TRDN: variants seen among roughly 807,000 people sequenced by gnomAD.
TRDN encodes the protein triadin, also known as triadin in skeletal muscle.
Under a neutral mutation model 149.7 loss-of-function variants are expected in TRDN, and 161 were observed. The observed-to-expected ratio is 1.08, with a 90% confidence interval of 0.95 to 1.23. TRDN has a LOEUF of 1.23. Among genes scored for constraint, TRDN ranks in the 50% most tolerant of loss-of-function variants. The pLI is 0.00. For missense variants in TRDN, 896 were observed against 823.5 expected (o/e 1.09, Z -1.08); for synonymous variants, 294 against 250.5 (o/e 1.17, Z -1.64).
intron 21 of TRDN, chr6:123,350,188 C>A: frequency 5.2e-6 from 5 of 969,238 alleles, no homozygotes; most frequent in Non-Finnish European, 6.1e-6. Context: ...ATATTTTTGT[C>A]GTGTTTCTTC....
intron 23 of TRDN, among the ~76,000 whole-genome samples, chr6:123,317,989 T>C (rs1779095272): frequency 6.6e-6 from 1 of 152,134 alleles, no homozygotes; most frequent in Middle Eastern, 3.4e-3. Context: ...GTGATGTCTT[T>C]ATGTGTCCAA....
intron 1 of TRDN, among the ~76,000 whole-genome samples, chr6:123,617,832 G>A (rs1157761347): frequency 1.3e-5 from 2 of 151,978 alleles, no homozygotes; most frequent in Non-Finnish European, 2.9e-5. Context: ...TCTGTCTCCC[G>A]GGTCCTAGTG....
At chr6:123,461,665 T>G (rs1776454966) in intron 10 of TRDN, among the ~76,000 whole-genome samples, 1 of 152,160 alleles carries the variant, frequency 6.6e-6, no homozygotes. Flanking sequence ...TCCTTGGTAA[T>G]CGGGAAGAGG....
intron 34 of TRDN, 125 bp downstream of exon 34, chr6:123,260,487 G>A (rs965696768): frequency 1.0e-5 from 11 of 1,076,826 alleles, no homozygotes; most frequent in Non-Finnish European, 1.4e-5. Flanking sequence ...TGCCTGTTCT[G>A]TAGAACAGAA....
intron 12 of TRDN, among the ~76,000 whole-genome samples, chr6:123,435,272 T>C (rs993744584): frequency 3.9e-5 from 6 of 152,108 alleles, no homozygotes; most frequent in East Asian, 1.9e-4. Context: ...TGCTCTGCCA[T>C]GTTCCTCTAC....
At chr6:123,344,678 A>G (rs975058178) in intron 21 of TRDN, among the ~76,000 whole-genome samples, 1 of 152,038 alleles carries the variant, frequency 6.6e-6, no homozygotes, top group Non-Finnish European at 1.5e-5. Flanking sequence ...CTGTTCACCT[A>G]TTGAAGGACA....
At chr6:123,258,925 A>AG (rs914677128) in intron 35 of TRDN, among the ~76,000 whole-genome samples, 1 of 152,146 alleles carries the variant, frequency 6.6e-6, no homozygotes, top group Non-Finnish European at 1.5e-5. Context: ...TTATTTACAT[A>AG]GAGGTGTTTA....
At chr6:123,630,352 A>G (rs1248921161) in intron 1 of TRDN, among the ~76,000 whole-genome samples, 2 of 152,048 alleles carry the variant, frequency 1.3e-5, no homozygotes, top group Admixed American at 1.3e-4. Flanking sequence ...TTCTTTTCAA[A>G]TTGATATATT....
intron 12 of TRDN, among the ~76,000 whole-genome samples, chr6:123,398,304 C>T (rs1459524918): frequency 2.0e-5 from 3 of 152,224 alleles, no homozygotes; most frequent in Admixed American, 6.5e-5. Context: ...CGTGCCTGGC[C>T]GACCGTTCTT....
At chr6:123,507,958 C>T (rs1779005478) in intron 7 of TRDN, among the ~76,000 whole-genome samples, 1 of 149,422 alleles carries the variant, frequency 6.7e-6, no homozygotes, top group African/African-American at 2.5e-5. Context: ...CTGCAAACTG[C>T]TTAACTTTTT....
At chr6:123,538,902 A>C (rs559890206) in intron 4 of TRDN, among the ~76,000 whole-genome samples, 1 of 152,210 alleles carries the variant, frequency 6.6e-6, no homozygotes, top group Admixed American at 6.5e-5. Context: ...CCATGTGTAC[A>C]TAAACCAGAC....
intron 24 of TRDN, among the ~76,000 whole-genome samples, chr6:123,313,033 A>C (rs1582856621): frequency 6.6e-6 from 1 of 152,144 alleles, no homozygotes; most frequent in East Asian, 1.9e-4. Flanking sequence ...AGCAAATACC[A>C]TATAAAAATA....
intron 38 of TRDN, among the ~76,000 whole-genome samples, chr6:123,242,868 G>A (rs1776039466): frequency 6.6e-6 from 1 of 152,006 alleles, no homozygotes; most frequent in South Asian, 2.1e-4. Context: ...GCTGCCTGAA[G>A]ATTATGCAAA....
At chr6:123,509,597 C>T (rs900404065) in intron 7 of TRDN, 6 of 152,220 alleles carry the variant, frequency 3.9e-5, no homozygotes, top group East Asian at 1.9e-4. Context: ...GCAAATGGTG[C>T]TTCCTCAGTT....
intron 38 of TRDN, among the ~76,000 whole-genome samples, chr6:123,237,116 G>A (rs6920186): frequency 0.83 from 126,695 of 152,050 alleles, 53,533 homozygotes; most frequent in African/African-American, 0.95. Flanking sequence ...GATCATATAT[G>A]CATTTTGATT....
At chr6:123,337,149 A>G (rs1424422068) in intron 22 of TRDN, among the ~76,000 whole-genome samples, 1 of 152,056 alleles carries the variant, frequency 6.6e-6, no homozygotes, top group Non-Finnish European at 1.5e-5. Context: ...ATTTGAAAAT[A>G]TCAGAATGCA....
chr6:123,314,912 C>T (rs61265728), intron 24 of TRDN, among the ~76,000 whole-genome samples: 27,408 of 151,624 alleles, frequency 0.18, 3,317 homozygotes, highest in East Asian at 0.6. Flanking sequence ...AATACCTGGG[C>T]GATGAAATAA....
At position 123,399,339 on chromosome 6, in the gene TRDN, A is replaced by C. The variant is rs144360989; in HGVS notation, c.1052-5662T>G. ...CTGGATAGAATGTGTGAGAATGACA[A>C]GTTTCTTAAGTAATCAACAATTTAG... On this transcript the variant is annotated intron_variant, in intron 12 of 40. Coordinates refer to ENST00000334268, the MANE Select transcript of TRDN (RefSeq NM_006073.4). 7.7e-3 allele frequency among the ~76,000 whole-genome samples: 1,179 copies of C among 152,314 alleles called. 14 individuals are homozygous for C. Among genetic ancestry groups the C allele is most frequent in the African/African-American group, 0.027 (1,121 of 41,578 alleles).
At chr6:123,529,046 C>G in intron 5 of TRDN, 1 of 1,409,874 alleles carries the variant, frequency 7.1e-7, no homozygotes, top group Non-Finnish European at 9.2e-7. Flanking sequence ...CAGCCCACTG[C>G]TCGGTCTTTG....
Sources: allele counts gnomAD v4.1 joint callset (sites outside exome capture counted in the v4.1 genomes callset), GRCh38; gene constraint gnomAD v4.1.1; transcripts MANE v1.5; gene names NCBI Gene and HGNC (gene_info 2026-07-23, HGNC 2026-07-21).